Variants in ARHGAP24 observed in about 807,000 individuals in gnomAD.
ARHGAP24 encodes the protein rho GTPase-activating protein 24.
A neutral mutation model predicts 76.4 loss-of-function variants in ARHGAP24; 50 were observed. The observed-to-expected ratio is 0.65, with a 90% CI of 0.52 to 0.83. The LOEUF is 0.83. ARHGAP24 is among the 40% of genes least tolerant of loss of function. The pLI, the probability that ARHGAP24 is intolerant of heterozygous loss-of-function variation, is 0.00. For missense variants in ARHGAP24, 930 were observed against 914.2 expected, an observed-to-expected ratio of 1.02 and a Z score of -0.22; for synonymous variants, 345 against 323.3, an observed-to-expected ratio of 1.07 and a Z score of -0.72.
chr4:85,633,218 C>T (rs992772558), intron 2 of ARHGAP24, among the ~76,000 whole-genome samples: 4 of 151,902 alleles, frequency 2.6e-5, no homozygotes, highest in Admixed American at 2.6e-4. Flanking sequence ...CTCTCTGACT[C>T]TCTTGCCCTC....
intron 2 of ARHGAP24, among the ~76,000 whole-genome samples, chr4:85,574,325 C>T (rs1396751222): frequency 3.3e-5 from 5 of 152,056 alleles, no homozygotes; most frequent in Non-Finnish European, 5.9e-5. Context: ...CTGAAAATGC[C>T]GATGCTATGA....
chr4:85,742,253 G>A (rs936656264), intron 3 of ARHGAP24, among the ~76,000 whole-genome samples: 10 of 152,210 alleles, frequency 6.6e-5, no homozygotes, highest in Non-Finnish European at 1.3e-4. Context: ...GAGATAGGCA[G>A]TCACTGAGCC....
chr4:85,883,819 T>A (rs962613675), intron 3 of ARHGAP24, among the ~76,000 whole-genome samples: 1 of 152,178 alleles, frequency 6.6e-6, no homozygotes, highest in Non-Finnish European at 1.5e-5. Flanking sequence ...CATTTGGGTC[T>A]TATATGATTA....
At chr4:85,953,185 C>T (rs536765315) in intron 5 of ARHGAP24, among the ~76,000 whole-genome samples, 5 of 152,252 alleles carry the variant, frequency 3.3e-5, no homozygotes, top group Non-Finnish European at 7.4e-5. Flanking sequence ...TAATTTTACA[C>T]ATTCTGTCCA....
In ARHGAP24 at chr4:85,738,081, C is replaced by T. The variant is rs145489530; in HGVS notation, c.268+16109C>T. On this transcript the variant is annotated intron_variant, in intron 3 of 9. Coordinates refer to ENST00000395184, the MANE Select transcript of ARHGAP24 (RefSeq NM_001025616.3). ...GATTAAAGGCGCCCACCACCATGCC[C>T]AGCTAATTTTTGTATTTTTAGTAGA... 5.0e-3 allele frequency among the ~76,000 whole-genome samples: 756 copies of T among 151,992 alleles called. 7 individuals are homozygous for T. The highest frequency in any genetic ancestry group is 0.017 in the African/African-American group (703 of 41,448).
chr4:85,587,521 T>G (rs531790347), intron 2 of ARHGAP24, among the ~76,000 whole-genome samples: 3 of 152,324 alleles, frequency 2.0e-5, no homozygotes, highest in African/African-American at 7.2e-5. Flanking sequence ...CAGTATAGGC[T>G]TGTGAATTTG....
At chr4:85,874,004 C>T (rs1732680814) in intron 3 of ARHGAP24, among the ~76,000 whole-genome samples, 2 of 152,152 alleles carry the variant, frequency 1.3e-5, no homozygotes, top group Admixed American at 1.3e-4. Flanking sequence ...TCTGCTGTTA[C>T]TCTGTGTATG....
intron 1 of ARHGAP24, among the ~76,000 whole-genome samples, chr4:85,505,909 G>A (rs1029968679): frequency 1.3e-5 from 2 of 152,048 alleles, no homozygotes; most frequent in South Asian, 2.1e-4. Flanking sequence ...GGGTTTTGGT[G>A]TAGATGTACT....
chr4:85,504,995 A>G (rs1723986874), intron 1 of ARHGAP24, among the ~76,000 whole-genome samples: 1 of 152,258 alleles, frequency 6.6e-6, no homozygotes, highest in Middle Eastern at 3.4e-3. Flanking sequence ...GTTTGGCTGG[A>G]TATGAAATTC....
intron 3 of ARHGAP24, among the ~76,000 whole-genome samples, chr4:85,780,846 A>G (rs980200973): frequency 6.6e-6 from 1 of 152,256 alleles, no homozygotes; most frequent in Non-Finnish European, 1.5e-5. Context: ...CCATGGAAGT[A>G]GTTCTGGAAT....
At chr4:85,767,804 A>G (rs1226151471) in intron 3 of ARHGAP24, among the ~76,000 whole-genome samples, 1 of 152,212 alleles carries the variant, frequency 6.6e-6, no homozygotes, top group East Asian at 1.9e-4. Flanking sequence ...GTGAGAGTTA[A>G]ACTCTGTTAC....
rs562153787 is a variant in ARHGAP24 at position 85,683,872 on chromosome 4, G to C, written c.181-38013G>C. ...AATGCAATATTGTCCTCTGTGACTG[G>C]CTTATTTAACTTAGCATAATGTCCT... On this transcript the variant is annotated intron_variant, in intron 2 of 9. Transcript: ENST00000395184. 3.9e-5 allele frequency among the ~76,000 whole-genome samples: 6 copies of C among 152,158 alleles called. No individual in the cohort carries two copies. In the East Asian group the frequency reaches 1.2e-3, roughly 29 times the overall value.
intron 1 of ARHGAP24, among the ~76,000 whole-genome samples, chr4:85,532,212 G>A (rs1553912748): frequency 1.3e-5 from 2 of 151,994 alleles, no homozygotes; most frequent in Non-Finnish European, 2.9e-5. Context: ...ATTTGTTCCT[G>A]TTTTGTCTCT....
intron 3 of ARHGAP24, among the ~76,000 whole-genome samples, chr4:85,818,169 T>A (rs1012314671): frequency 6.6e-6 from 1 of 152,090 alleles, no homozygotes; most frequent in Non-Finnish European, 1.5e-5. Context: ...AGAAGTAGAA[T>A]AATCTCTCTA....
At chr4:85,975,107 C>A in intron 7 of ARHGAP24, 146 bp downstream of exon 7, 1 of 734,882 alleles carries the variant, frequency 1.4e-6, no homozygotes, top group Non-Finnish European at 2.4e-6. Flanking sequence ...ACAAGGTGAT[C>A]TCAGAGGCTT....
intron 9 of ARHGAP24, among the ~76,000 whole-genome samples, chr4:85,999,073 C>A (rs1270396124): frequency 6.6e-6 from 1 of 152,128 alleles, no homozygotes; most frequent in Non-Finnish European, 1.5e-5. Flanking sequence ...GGAGGGATTT[C>A]TTCTGTATTC....
At chr4:85,639,719 AGG>A (rs1721454793) in intron 2 of ARHGAP24, among the ~76,000 whole-genome samples, 1 of 145,486 alleles carries the variant, frequency 6.9e-6, no homozygotes, top group African/African-American at 2.5e-5. Flanking sequence ...AAAAAAAAGG[AGG>A]GGAGAAGTTT....
intron 3 of ARHGAP24, among the ~76,000 whole-genome samples, chr4:85,746,875 G>C (rs1262517890): frequency 2.0e-5 from 3 of 151,860 alleles, no homozygotes; most frequent in East Asian, 1.9e-4. Flanking sequence ...GGATGGTCTC[G>C]ATCTCCTGAC....
Position 85,672,683 on chromosome 4 carries a change from T to C in ARHGAP24, c.181-49202T>C, listed in dbSNP as rs75586327. Among the ~76,000 whole-genome samples, 291 of 152,280 alleles carry C rather than the reference T, an allele frequency of 1.9e-3. 1 individual carries two copies. The highest frequency in any genetic ancestry group is 3.4e-3 in the Admixed American group (52 of 15,288). On this transcript the variant is annotated intron_variant, in intron 2 of 9. Coordinates refer to ENST00000395184, the MANE Select transcript of ARHGAP24 (RefSeq NM_001025616.3). ...TCTGGTGGTACAGGAAGAAGCTGGT[T>C]GTGTGGATTTCTCCATGGTGGGGAA...
Sources: gnomAD v4.1 joint callset for allele counts (sites outside exome capture counted in the v4.1 genomes callset) on GRCh38, gnomAD v4.1.1 for gene constraint, MANE v1.5 for transcripts, NCBI Gene and HGNC (gene_info 2026-07-23, HGNC 2026-07-21) for gene names.